Variants in DENND1A observed in about 807,000 individuals in gnomAD.
DENND1A encodes the protein DENN domain-containing protein 1A.
In DENND1A, 51 loss-of-function variants were observed where a neutral mutation model predicts 113.7. That is an observed-to-expected ratio of 0.45 (90% CI 0.36 to 0.57). The LOEUF (loss-of-function observed/expected upper bound fraction) is 0.57, where lower values mean the gene tolerates loss of function less well. Ranked by LOEUF, DENND1A falls within the 20% of genes least tolerant of loss-of-function variation. The pLI, the probability that DENND1A is intolerant of heterozygous loss-of-function variation, is 0.00. For missense variants in DENND1A, 1,258 were observed against 1,395.9 expected (o/e 0.90, Z 1.57); for synonymous variants, 565 against 570.8 (o/e 0.99, Z 0.14).
At chr9:123,875,409 T>A (rs1847300045) in intron 2 of DENND1A, among the ~76,000 whole-genome samples, 1 of 152,174 alleles carries the variant, frequency 6.6e-6, no homozygotes, top group Non-Finnish European at 1.5e-5. Flanking sequence ...AAAACAAGCA[T>A]ACAAACTATT....
At chr9:123,892,348 T>C (rs1467350467) in intron 1 of DENND1A, among the ~76,000 whole-genome samples, 1 of 152,212 alleles carries the variant, frequency 6.6e-6, no homozygotes, top group African/African-American at 2.4e-5. Flanking sequence ...AGCCCTAGAC[T>C]GAGCACAACT....
intron 13 of DENND1A, among the ~76,000 whole-genome samples, chr9:123,511,954 C>T (rs2053495343): frequency 1.3e-5 from 2 of 152,074 alleles, no homozygotes; most frequent in African/African-American, 4.8e-5. Flanking sequence ...ATGTGGAAGC[C>T]GTGTGCAGTC....
intron 5 of DENND1A, among the ~76,000 whole-genome samples, chr9:123,727,696 T>G (rs532926650): frequency 2.2e-4 from 33 of 151,646 alleles, no homozygotes; most frequent in African/African-American, 8.0e-4. Context: ...CCATTCATAT[T>G]AGCACCAATA....
intron 9 of DENND1A, among the ~76,000 whole-genome samples, chr9:123,648,416 A>C (rs2062457907): frequency 6.6e-6 from 1 of 152,132 alleles, no homozygotes; most frequent in African/African-American, 2.4e-5. Flanking sequence ...GATTATTACT[A>C]ATGTGGTTGA....
intron 10 of DENND1A, among the ~76,000 whole-genome samples, chr9:123,620,785 C>A (rs1327417440): frequency 6.6e-6 from 1 of 151,824 alleles, no homozygotes; most frequent in African/African-American, 2.4e-5. Context: ...CCCCTCCCAC[C>A]CCTCCCAGAT....
intron 22 of DENND1A, among the ~76,000 whole-genome samples, chr9:123,387,185 G>A (rs1159108810): frequency 6.6e-6 from 1 of 152,234 alleles, no homozygotes; most frequent in Non-Finnish European, 1.5e-5. Context: ...TGGCTGGATG[G>A]TGGGTGAAAC....
chr9:123,493,007 A>T (rs912231625), intron 13 of DENND1A: 1 of 152,226 alleles, frequency 6.6e-6, no homozygotes, highest in African/African-American at 2.4e-5. Context: ...CCACCTGAGG[A>T]ACCCCTGCTG....
intron 13 of DENND1A, among the ~76,000 whole-genome samples, chr9:123,476,456 C>A (rs549136385): frequency 3.9e-5 from 6 of 152,268 alleles, no homozygotes; most frequent in African/African-American, 1.4e-4. Flanking sequence ...CCTGAGCATG[C>A]TCCTTCCCTG....
intron 5 of DENND1A, among the ~76,000 whole-genome samples, chr9:123,716,471 C>G (rs977677248): frequency 6.6e-6 from 1 of 152,222 alleles, no homozygotes; most frequent in African/African-American, 2.4e-5. Flanking sequence ...GCCTTGAAAG[C>G]TGGAAGACCG....
intron 2 of DENND1A, among the ~76,000 whole-genome samples, chr9:123,805,857 C>G (rs1835459198): frequency 6.6e-6 from 1 of 152,202 alleles, no homozygotes; most frequent in Non-Finnish European, 1.5e-5. Flanking sequence ...CCATCATTCC[C>G]AACTGTGAAT....
chr9:123,634,666 CT>C (rs2061624868), intron 9 of DENND1A, among the ~76,000 whole-genome samples: 1 of 152,178 alleles, frequency 6.6e-6, no homozygotes, highest in Non-Finnish European at 1.5e-5. Context: ...GGAAATGATT[CT>C]ATCAAAATCT....
In DENND1A at chr9:123,381,456, C is replaced by T. The variant is rs2042261404; in HGVS notation, c.3189G>A (p.Arg1063=). 2 of 1,613,222 alleles carry T rather than the reference C, an allele frequency of 1.2e-6. No homozygotes were observed. The highest frequency in any genetic ancestry group is 1.3e-5 in the African/African-American group (1 of 74,898). ...APAPDSVEQL[R]KQWETFE is the part of the protein sequence containing the mutation. Reference sequence around the variant, plus strand: ...CTCACTCGAAGGTCTCCCACTGCTTCCTGAGCTGCTCCACCGAGTCTGGGG... The same window carrying T: ...CTCACTCGAAGGTCTCCCACTGCTTTCTGAGCTGCTCCACCGAGTCTGGGG... The change falls in exon 24 of 24, where the codon AGG becomes AGA. Residue 1063 remains arginine (R), a synonymous_variant. Transcript: ENST00000394215. The surrounding 1 kb of genome is among the most constrained non-coding windows in gnomAD (Gnocchi z 4.7).
At position 123,685,997 on chromosome 9, in the gene DENND1A, GAA is replaced by G. The variant is rs35695925; in HGVS notation, c.303-9210_303-9209del. Among the ~76,000 whole-genome samples the G allele has an allele frequency of 5.2e-3, 738 of 142,800 alleles. 7 individuals carry two copies. Among genetic ancestry groups the G allele is most frequent in the East Asian group, 9.6e-3 (47 of 4,890 alleles). The allele number at this position is 142,800 out of a possible 152,430, so 93.7% of individuals were successfully genotyped here. A position where few individuals can be genotyped will look rare whatever the true frequency, so the allele number is the denominator to read the frequency against. ...CCTAGGAAATACACTGTCTCTACTAGAAAAAAAAAAAACACAACAAAAGGAAG... is the reference window on the plus strand; with the variant it reads ...CCTAGGAAATACACTGTCTCTACTAGAAAAAAAAAACACAACAAAAGGAAG... On this transcript the variant is annotated intron_variant, in intron 5 of 23. Transcript: ENST00000394215.
At chr9:123,862,184 A>G (rs548030867) in intron 2 of DENND1A, among the ~76,000 whole-genome samples, 8 of 152,194 alleles carry the variant, frequency 5.3e-5, no homozygotes, top group Non-Finnish European at 1.0e-4. Context: ...CCCATAAAGT[A>G]TATTATATAC....
At chr9:123,490,488 G>T (rs1318185172) in intron 13 of DENND1A, among the ~76,000 whole-genome samples, 3 of 151,934 alleles carry the variant, frequency 2.0e-5, no homozygotes, top group Non-Finnish European at 4.4e-5. Context: ...ACTGGGGAGG[G>T]TGAGGCAGGA....
intron 2 of DENND1A, among the ~76,000 whole-genome samples, chr9:123,829,450 T>TAAC (rs751761014): frequency 7.3e-5 from 11 of 150,876 alleles, no homozygotes; most frequent in East Asian, 2.0e-4. Flanking sequence ...GAAAACACAG[T>TAAC]AACAACAACA....
chr9:123,478,540 C>T (rs1418794594), intron 13 of DENND1A, among the ~76,000 whole-genome samples: 1 of 152,184 alleles, frequency 6.6e-6, no homozygotes, highest in Non-Finnish European at 1.5e-5. Flanking sequence ...TGAGTGCCTG[C>T]TACTCACGTT....
chr9:123,477,008 T>C (rs73575574), intron 13 of DENND1A, among the ~76,000 whole-genome samples: 1,673 of 152,234 alleles, frequency 0.011, 43 homozygotes, highest in African/African-American at 0.039. Context: ...AATGAAACCA[T>C]TAGGCCCCTT....
intron 10 of DENND1A, among the ~76,000 whole-genome samples, chr9:123,630,169 T>A (rs1353518873): frequency 6.6e-6 from 1 of 150,488 alleles, no homozygotes; most frequent in Non-Finnish European, 1.5e-5. Flanking sequence ...GCCTCCTGAG[T>A]AGCTGGGACT....
Sources: gnomAD v4.1 joint callset for allele counts (sites outside exome capture counted in the v4.1 genomes callset) on GRCh38, gnomAD v4.1.1 for gene constraint, Gnocchi (gnomAD v3.1) non-coding constraint, MANE v1.5 for transcripts, NCBI Gene and HGNC (gene_info 2026-07-23, HGNC 2026-07-21) for gene names.